Variants in AGL observed in about 807,000 individuals in gnomAD.
The protein encoded by AGL is glycogen debranching enzyme.
A neutral mutation model predicts 199.3 loss-of-function variants in AGL; 128 were observed. That is an observed-to-expected ratio of 0.64 (90% CI 0.56 to 0.74). The LOEUF (loss-of-function observed/expected upper bound fraction) is 0.74. Ranked by LOEUF, AGL falls within the 30% of genes least tolerant of loss-of-function variation. The pLI is 0.00. For synonymous variants in AGL, 584 were observed against 594.7 expected, an observed-to-expected ratio of 0.98 and a Z score of 0.26; for missense variants, 1,809 against 1,820.8, an observed-to-expected ratio of 0.99 and a Z score of 0.12.
chr1:99,913,843 T>G, intron 30 of AGL, 105 bp downstream of exon 30: 1 of 1,078,198 alleles, frequency 9.3e-7, no homozygotes, highest in Non-Finnish European at 1.4e-6. Flanking sequence ...TAAAAAGTAG[T>G]ATATTGCTTA....
Position 99,912,552 on chromosome 1 carries a change from A to G in AGL, c.3949+35A>G, listed in dbSNP as rs370948034. On this transcript the variant is annotated intron_variant, in intron 29 of 33. Transcript: ENST00000361915. The stretch of plus-strand genomic sequence containing the variant: ...TTATTTTATTTACAAAGAACCTTCA[A>G]ATGTACTATGTATATTCTCAACCTA... The G allele has an allele frequency of 2.0e-5, 29 of 1,422,788 alleles. No individual in the cohort carries two copies. In the African/African-American group the frequency reaches 2.4e-4, roughly 12 times the overall value. 88.1% of individuals were successfully genotyped at this position (1,422,788 alleles called of 1,614,324 possible).
rs749851190 is a variant in AGL, at chr1:99,864,412, T to C, written c.487T>C (p.Leu163=). 2.0e-5 allele frequency: 32 copies of C among 1,613,894 alleles called. No homozygotes were observed. The highest frequency in any genetic ancestry group is 1.7e-4 in the Middle Eastern group (1 of 6,060). ...CTACAACATGATTCATTTTACCCCA[T>C]TGCAGACTCTTGGACTATCTAGGTC... The part of the protein sequence containing the change: ...SGYNMIHFTP[L]QTLGLSRSCY... Residue 163 remains leucine, a synonymous_variant, in exon 5 of 34, where the codon TTG becomes CTG. Transcript: ENST00000361915.
intron 24 of AGL, among the ~76,000 whole-genome samples, chr1:99,893,884 A>G (rs1180269143): frequency 6.6e-6 from 1 of 152,164 alleles, no homozygotes; most frequent in Non-Finnish European, 1.5e-5. Flanking sequence ...CTTTGGTTAT[A>G]GTATTGCAAC....
Position 99,875,361 on chromosome 1 carries a change from G to A in AGL, c.1189G>A (p.Val397Ile). The A allele has an allele frequency of 6.2e-7, 1 of 1,614,094 alleles. No homozygotes were observed. The highest frequency in any genetic ancestry group is 8.5e-7 in the Non-Finnish European group (1 of 1,179,990). Residue 397 changes from valine (V) to isoleucine (I), a missense_variant, in exon 10 of 34, where the codon GTT (valine) becomes ATT (isoleucine). Coordinates refer to ENST00000361915, the MANE Select transcript of AGL (RefSeq NM_000642.3). ...AACACAATTTAATGTTTTTCAGGCA[G>A]TTAATTGCCTTTTGGGAAATGTGTT... ...RLINYHQEQA[V>I]NCLLGNVFYE...
chr1:99,884,803 C>CA, intron 20 of AGL, 100 bp downstream of exon 20: 2 of 1,419,984 alleles, frequency 1.4e-6, no homozygotes, highest in South Asian at 1.2e-5. Flanking sequence ...CCTTGCTACT[C>CA]AAAGTACGGT....
chr1:99,869,874 G>A (rs114468344), intron 5 of AGL, among the ~76,000 whole-genome samples: 1,629 of 152,212 alleles, frequency 0.011, 21 homozygotes, highest in African/African-American at 0.038. Context: ...TGCCCAAGCT[G>A]GTCTTGAACT....
Position 99,891,791 on chromosome 1 carries a change from A to G in AGL, c.3083+52A>G, listed in dbSNP as rs590623. 2,088 of 1,603,430 alleles carry G rather than the reference A, an allele frequency of 1.3e-3. 19 individuals are homozygous for G. In the African/African-American group the frequency reaches 0.025, roughly 19 times the overall value. ...GGGCATATCTGTGTTGAAACTATAT[A>G]CAGAGTCACTTCATACATGTTCTTA... On this transcript the variant is annotated intron_variant, in intron 23 of 33. Coordinates refer to ENST00000361915, the MANE Select transcript of AGL (RefSeq NM_000642.3).
intron 5 of AGL, among the ~76,000 whole-genome samples, chr1:99,865,342 C>T (rs1373998834): frequency 6.6e-6 from 1 of 152,092 alleles, no homozygotes; most frequent in Non-Finnish European, 1.5e-5. Context: ...TATGAAAAAA[C>T]TGAATGACTT....
At chr1:99,878,349 T>C (rs1651726741) in intron 12 of AGL, among the ~76,000 whole-genome samples, 1 of 151,882 alleles carries the variant, frequency 6.6e-6, no homozygotes, top group South Asian at 2.1e-4. Flanking sequence ...GTCTAAAAAA[T>C]AAATTAATTA....
chr1:99,873,634 A>G (rs564477628), intron 7 of AGL, among the ~76,000 whole-genome samples: 7 of 152,204 alleles, frequency 4.6e-5, no homozygotes, highest in South Asian at 2.1e-4. Context: ...GAGTTTCTCA[A>G]TGTTGGTCAG....
intron 29 of AGL, among the ~76,000 whole-genome samples, chr1:99,913,213 G>T (rs1557790569): frequency 6.7e-6 from 1 of 150,334 alleles, no homozygotes; most frequent in Non-Finnish European, 1.5e-5. Flanking sequence ...AATACCAGAC[G>T]CTGTCTTAAA....
At position 99,891,336 on chromosome 1, in the gene AGL, C is replaced by T. The variant is rs531425980; in HGVS notation, c.2929C>T (p.Arg977Ter). Residue 977 changes from arginine to a stop codon, truncating the protein, a stop_gained, in exon 22 of 34, where the codon CGA (arginine) becomes TGA (stop). Coordinates refer to ENST00000361915, the MANE Select transcript of AGL (RefSeq NM_000642.3). LOFTEE classifies it high-confidence loss of function. The stretch of plus-strand genomic sequence containing the variant: ...CTATGTCAGTAACCGGCTTATTTCA[C>T]GATCAGGAACTATTGCTGAAGTAAG... ...IDYVSNRLIS[R>*]SGTIAEVGKW... is the part of the protein sequence containing the mutation. 7 of 1,613,506 alleles carry T rather than the reference C, an allele frequency of 4.3e-6. No individual in the cohort carries two copies. The highest frequency in any genetic ancestry group is 1.7e-4 in the Middle Eastern group (1 of 6,050).
chr1:99,872,000 T>G (rs191261474), intron 7 of AGL, among the ~76,000 whole-genome samples: 74 of 152,064 alleles, frequency 4.9e-4, no homozygotes, highest in Admixed American at 4.8e-3. Context: ...TTTATATTTA[T>G]TTTTATTTTT....
At chr1:99,907,388 T>A (rs1402488266) in intron 27 of AGL, among the ~76,000 whole-genome samples, 1 of 152,212 alleles carries the variant, frequency 6.6e-6, no homozygotes, top group African/African-American at 2.4e-5. Flanking sequence ...ACCTTTTGGC[T>A]ATTGGGAATA....
At chr1:99,865,277 G>C (rs1650415831) in intron 5 of AGL, among the ~76,000 whole-genome samples, 1 of 152,124 alleles carries the variant, frequency 6.6e-6, no homozygotes, top group Non-Finnish European at 1.5e-5. Flanking sequence ...CCTTTCCCAA[G>C]TAACTCATGG....
In AGL at chr1:99,875,240, A is replaced by G. The variant is rs2101128014; in HGVS notation, c.1169A>G (p.Asn390Ser). 6.2e-7 allele frequency: 1 copy of G among 1,614,026 alleles called. No homozygotes were observed. The highest frequency in any genetic ancestry group is 2.2e-5 in the East Asian group (1 of 44,872). The change falls in exon 9 of 34, where the codon AAC (asparagine) becomes AGC (serine). Residue 390 changes from asparagine to serine, a missense_variant. Transcript: ENST00000361915. Reference protein sequence around the residue: ...ELNSEKHRLINYHQEQAVNCL... With the variant: ...ELNSEKHRLISYHQEQAVNCL... Reference sequence around the variant, plus strand: ...AATTCAGAGAAGCATCGACTCATTAACTATCATCAGGAACAGGTTTTACTT... The same window carrying G: ...AATTCAGAGAAGCATCGACTCATTAGCTATCATCAGGAACAGGTTTTACTT...
intron 21 of AGL, among the ~76,000 whole-genome samples, chr1:99,890,240 C>T (rs1285072268): frequency 2.0e-5 from 3 of 152,286 alleles, no homozygotes; most frequent in South Asian, 4.1e-4. Context: ...TTCCGTTGGT[C>T]ATCATCAGAT....
intron 29 of AGL, 106 bp from the exon 30 acceptor site, chr1:99,913,421 T>C: frequency 1.1e-6 from 1 of 932,518 alleles, no homozygotes; most frequent in South Asian, 1.5e-5. Context: ...GATAATTTAT[T>C]GCCTTGTAGT....
chr1:99,896,726 T>A (rs1653354370), intron 25 of AGL, among the ~76,000 whole-genome samples: 1 of 152,224 alleles, frequency 6.6e-6, no homozygotes, highest in African/African-American at 2.4e-5. Flanking sequence ...TGTAGAAGTC[T>A]TGATGTTTCC....
Sources: allele counts gnomAD v4.1 joint callset (sites outside exome capture counted in the v4.1 genomes callset), GRCh38; gene constraint gnomAD v4.1.1; transcripts MANE v1.5; gene names NCBI Gene and HGNC (gene_info 2026-07-23, HGNC 2026-07-21).